SYNPO: variants seen among roughly 807,000 people sequenced by gnomAD.
The protein encoded by SYNPO is synaptopodin.
In SYNPO, 19 loss-of-function variants were observed where a neutral mutation model predicts 49.5. The observed-to-expected ratio is 0.38, with a 90% CI of 0.27 to 0.56. The LOEUF is 0.56. SYNPO is among the 20% of genes least tolerant of loss of function. The pLI, the probability that SYNPO is intolerant of heterozygous loss-of-function variation, is 0.68. For synonymous variants in SYNPO, 536 were observed against 548.0 expected, an observed-to-expected ratio of 0.98 and a Z score of 0.31; for missense variants, 1,131 against 1,248.3, an observed-to-expected ratio of 0.91 and a Z score of 1.42.
At chr5:150,590,316 G>T in the SYNPO span, among the ~76,000 whole-genome samples, 7 of 152,198 alleles carry the variant, frequency 4.6e-5, no homozygotes, top group South Asian at 4.1e-4. Context: ...GGCCCCTGGA[G>T]GGGGAGAGAG....
upstream of SYNPO, among the ~76,000 whole-genome samples, chr5:150,600,258 C>T (rs1756497316): frequency 6.6e-6 from 1 of 152,268 alleles, no homozygotes; most frequent in African/African-American, 2.4e-5. Flanking sequence ...GGGCCAGCCC[C>T]ATTCCCAGCC....
chr5:150,599,977 G>T (rs1438813618), upstream of SYNPO, among the ~76,000 whole-genome samples: 1 of 152,148 alleles, frequency 6.6e-6, no homozygotes, highest in East Asian at 1.9e-4. Flanking sequence ...CCAACCGAGG[G>T]ACCCTGCCTG....
At chr5:150,614,163 G>A (rs778404637) in intron 1 of SYNPO, among the ~76,000 whole-genome samples, 5 of 150,892 alleles carry the variant, frequency 3.3e-5, no homozygotes, top group Non-Finnish European at 5.9e-5. Flanking sequence ...GAAGTGGATC[G>A]TGTTTTAAGC....
rs539580339 is a variant in SYNPO, at chr5:150,655,065, C to A, written c.2029-1339C>A. Among the ~76,000 whole-genome samples the A allele has an allele frequency of 5.3e-5, 8 of 152,280 alleles. 1 individual carries two copies. In the South Asian group the frequency reaches 1.7e-3, roughly 32 times the overall value. ...ACTTGAACCCAGGAGGCAGAAGTTG[C>A]GGTGAGCTGAGATTGTGCCATTGCA... On this transcript the variant is annotated intron_variant, in intron 2 of 2. Transcript: ENST00000307662.
At chr5:150,654,024 T>G (rs1341027155) in intron 2 of SYNPO, 1 of 152,186 alleles carries the variant, frequency 6.6e-6, no homozygotes, top group Non-Finnish European at 1.5e-5. Context: ...CTATTTCCTT[T>G]GGATTGGGAG....
intron 1 of SYNPO, among the ~76,000 whole-genome samples, chr5:150,641,413 C>T (rs1757901330): frequency 6.6e-6 from 1 of 152,238 alleles, no homozygotes. Flanking sequence ...ATCTCTATTC[C>T]TACCCCTGGC....
chr5:150,599,971 C>T (rs1007121563), upstream of SYNPO, among the ~76,000 whole-genome samples: 16 of 152,170 alleles, frequency 1.1e-4, no homozygotes, highest in Admixed American at 7.9e-4. Flanking sequence ...CAGACCCCAA[C>T]CGAGGGACCC....
chr5:150,591,283 G>C, the SYNPO span, among the ~76,000 whole-genome samples: 1 of 152,224 alleles, frequency 6.6e-6, no homozygotes, highest in Admixed American at 6.5e-5. Flanking sequence ...AGCTGAGCCC[G>C]GGACGGGGAG....
At chr5:150,602,729 C>T (rs1449685652) in intron 1 of SYNPO, among the ~76,000 whole-genome samples, 1 of 152,050 alleles carries the variant, frequency 6.6e-6, no homozygotes, top group East Asian at 1.9e-4. Flanking sequence ...TTTGTAGAGA[C>T]AGGGTCTCAC....
At chr5:150,596,159 T>C (rs1264781910), upstream of SYNPO, among the ~76,000 whole-genome samples, 1 of 152,118 alleles carries the variant, frequency 6.6e-6, no homozygotes. Context: ...CAACCACAGA[T>C]TCTCTGCTTC....
chr5:150,598,747 C>A (rs144883898), upstream of SYNPO, among the ~76,000 whole-genome samples: 193 of 152,250 alleles, frequency 1.3e-3, 2 homozygotes, highest in African/African-American at 4.3e-3. Flanking sequence ...GTTCCATGTG[C>A]AGAGACAACA....
the SYNPO span, among the ~76,000 whole-genome samples, chr5:150,592,305 T>A: frequency 2.6e-5 from 4 of 152,254 alleles, no homozygotes; most frequent in African/African-American, 4.8e-5. Context: ...TGGAAAAAGT[T>A]ATTTCTTATT....
intron 2 of SYNPO, among the ~76,000 whole-genome samples, chr5:150,620,917 C>A (rs1393478106): frequency 2.1e-4 from 27 of 128,212 alleles, no homozygotes; most frequent in African/African-American, 9.1e-4. Context: ...TTCTTTCTTT[C>A]TTTCTTTCTT....
intron 2 of SYNPO, among the ~76,000 whole-genome samples, chr5:150,623,992 G>C (rs569192735): frequency 6.6e-6 from 1 of 152,208 alleles, no homozygotes; most frequent in Non-Finnish European, 1.5e-5. Flanking sequence ...TGGAATGTGG[G>C]TATCTGGACT....
the SYNPO span, among the ~76,000 whole-genome samples, chr5:150,591,308 A>C: frequency 6.6e-6 from 1 of 152,208 alleles, no homozygotes; most frequent in African/African-American, 2.4e-5. Flanking sequence ...TTTTGTATAA[A>C]GGGGCTCTGG....
chr5:150,632,124 C>G (rs1757562086), intron 2 of SYNPO, among the ~76,000 whole-genome samples: 1 of 152,160 alleles, frequency 6.6e-6, no homozygotes, highest in Admixed American at 6.5e-5. Flanking sequence ...GGGCACACCC[C>G]TTTTTCTCCC....
chr5:150,623,455 G>A (rs76742551), intron 2 of SYNPO, among the ~76,000 whole-genome samples: 9,150 of 152,100 alleles, frequency 0.06, 657 homozygotes, highest in East Asian at 0.27. Context: ...CTTCCCTAGA[G>A]CAGGCACTCT....
intron 1 of SYNPO, among the ~76,000 whole-genome samples, chr5:150,612,021 C>T (rs1305337357): frequency 6.6e-6 from 1 of 152,204 alleles, no homozygotes; most frequent in Non-Finnish European, 1.5e-5. Flanking sequence ...GCTTGGAATT[C>T]CCCGCCTTTG....
chr5:150,652,479 C>T, intron 2 of SYNPO: 1 of 885,906 alleles, frequency 1.1e-6, no homozygotes, highest in Non-Finnish European at 1.4e-6. Flanking sequence ...CTGCCTGCAC[C>T]TGCCGTGTGT....
Sources: gnomAD v4.1 joint callset for allele counts (sites outside exome capture counted in the v4.1 genomes callset) on GRCh38, gnomAD v4.1.1 for gene constraint, MANE v1.5 for transcripts, NCBI Gene and HGNC (gene_info 2026-07-23, HGNC 2026-07-21) for gene names.